The following SPAG16 variants were observed in gnomAD, a reference collection of about 807,000 sequenced individuals.
SPAG16 encodes sperm associated antigen 16.
Under a neutral mutation model 80.4 loss-of-function variants are expected in SPAG16, and 86 were observed. That is an observed-to-expected ratio of 1.07 (90% confidence interval 0.90 to 1.28). SPAG16 has a LOEUF of 1.28. SPAG16 is among the 50% of genes most tolerant of loss of function. SPAG16 has a pLI of 0.00. For missense variants in SPAG16, 870 were observed against 765.3 expected (o/e 1.14, Z -1.61); for synonymous variants, 294 against 265.9 (o/e 1.11, Z -1.03).
At chr2:213,988,395 A>G (rs1448391416) in intron 12 of SPAG16, among the ~76,000 whole-genome samples, 2 of 152,170 alleles carry the variant, frequency 1.3e-5, no homozygotes, top group African/African-American at 4.8e-5. Context: ...AATCTTACAG[A>G]GTATGTTTCC....
intron 11 of SPAG16, among the ~76,000 whole-genome samples, chr2:213,897,332 A>G (rs2106108783): frequency 6.6e-6 from 1 of 152,260 alleles, no homozygotes; most frequent in African/African-American, 2.4e-5. Context: ...TTCAACCTTC[A>G]ATAAGTATAT....
chr2:213,525,676 A>G (rs139632933), intron 10 of SPAG16, among the ~76,000 whole-genome samples: 1 of 152,216 alleles, frequency 6.6e-6, no homozygotes, highest in African/African-American at 2.4e-5. Context: ...TAAATCTGAT[A>G]ATGTTACAAT....
At chr2:214,328,315 C>T (rs781741676) in intron 15 of SPAG16, among the ~76,000 whole-genome samples, 2 of 152,142 alleles carry the variant, frequency 1.3e-5, no homozygotes, top group Non-Finnish European at 2.9e-5. Flanking sequence ...GCCACCATGC[C>T]CAGCTAATCT....
intron 10 of SPAG16, among the ~76,000 whole-genome samples, chr2:213,543,110 A>G (rs917363631): frequency 6.6e-6 from 1 of 152,074 alleles, no homozygotes; most frequent in African/African-American, 2.4e-5. Context: ...TTTATGGTCA[A>G]TAAACACACT....
chr2:213,553,499 A>G (rs2125954097), intron 10 of SPAG16, among the ~76,000 whole-genome samples: 1 of 152,202 alleles, frequency 6.6e-6, no homozygotes, highest in East Asian at 1.9e-4. Context: ...AATAGCCTCA[A>G]CCACTTTAAC....
intron 10 of SPAG16, among the ~76,000 whole-genome samples, chr2:213,592,276 C>G (rs915436836): frequency 6.6e-6 from 1 of 152,062 alleles, no homozygotes; most frequent in Non-Finnish European, 1.5e-5. Flanking sequence ...GTAGATCTAC[C>G]TGCTTTACTC....
chr2:213,816,772 T>C (rs1259853485), intron 10 of SPAG16, among the ~76,000 whole-genome samples: 2 of 152,116 alleles, frequency 1.3e-5, no homozygotes, highest in African/African-American at 4.8e-5. Flanking sequence ...GCTATGTTCA[T>C]GGATTAAAAA....
At position 213,656,200 on chromosome 2, in the gene SPAG16, C is replaced by CT. The variant is rs536148572; in HGVS notation, c.1070+166117dup. On this transcript the variant is annotated intron_variant, in intron 10 of 15. Coordinates refer to ENST00000331683, the MANE Select transcript of SPAG16 (RefSeq NM_024532.5). ...AAGTATTAATTGTTTTGATGTGTGC[C>CT]TTTTTTTGTTTTTGGGACGGAGTCT... 1.3e-4 allele frequency among the ~76,000 whole-genome samples: 20 copies of CT among 152,244 alleles called. 1 individual carries two copies. In the South Asian group the frequency reaches 4.2e-3, roughly 32 times the overall value.
At chr2:213,350,222 A>G (rs1019530949) in intron 6 of SPAG16, among the ~76,000 whole-genome samples, 2 of 152,164 alleles carry the variant, frequency 1.3e-5, no homozygotes, top group African/African-American at 2.4e-5. Flanking sequence ...AAGGAATTGC[A>G]TTTTAAAAAA....
intron 12 of SPAG16, among the ~76,000 whole-genome samples, chr2:213,995,688 G>C (rs1251422349): frequency 6.6e-6 from 1 of 152,124 alleles, no homozygotes; most frequent in Non-Finnish European, 1.5e-5. Flanking sequence ...CTTCCTAGTT[G>C]TTGGTCATCT....
At chr2:214,387,429 A>G (rs1700823285) in intron 15 of SPAG16, among the ~76,000 whole-genome samples, 1 of 152,220 alleles carries the variant, frequency 6.6e-6, no homozygotes, top group Admixed American at 6.5e-5. Context: ...TGACCAAATA[A>G]GATAATTTTA....
intron 10 of SPAG16, among the ~76,000 whole-genome samples, chr2:213,558,025 A>AT (rs1394477581): frequency 1.3e-5 from 2 of 152,106 alleles, no homozygotes; most frequent in African/African-American, 4.8e-5. Flanking sequence ...CATGTAAGCA[A>AT]TTTTTTTAAA....
chr2:213,860,707 G>T (rs576539832), intron 10 of SPAG16, among the ~76,000 whole-genome samples: 59 of 151,994 alleles, frequency 3.9e-4, no homozygotes, highest in African/African-American at 1.4e-3. Context: ...TTATATTTTT[G>T]CCTTAACTTC....
At chr2:213,673,421 T>G (rs1416886111) in intron 10 of SPAG16, among the ~76,000 whole-genome samples, 2 of 152,190 alleles carry the variant, frequency 1.3e-5, no homozygotes, top group Non-Finnish European at 2.9e-5. Flanking sequence ...ATGCAGTTAT[T>G]GGGTCCAGAT....
At chr2:213,539,820 G>A (rs550670065) in intron 10 of SPAG16, among the ~76,000 whole-genome samples, 27 of 151,932 alleles carry the variant, frequency 1.8e-4, no homozygotes, top group Non-Finnish European at 3.5e-4. Flanking sequence ...AAATAAAAAC[G>A]TTGTAATTTT....
intron 9 of SPAG16, among the ~76,000 whole-genome samples, chr2:213,433,068 A>T (rs943798243): frequency 1.3e-5 from 2 of 152,196 alleles, no homozygotes; most frequent in African/African-American, 4.8e-5. Context: ...TTCGCTATAA[A>T]CACCCTCACA....
intron 12 of SPAG16, 34 bp downstream of exon 12, chr2:213,930,179 T>C: frequency 6.5e-7 from 1 of 1,533,988 alleles, no homozygotes; most frequent in Non-Finnish European, 8.9e-7. Flanking sequence ...TAATCCTCTG[T>C]GCTGATACAT....
intron 11 of SPAG16, among the ~76,000 whole-genome samples, chr2:213,898,696 C>G (rs569714290): frequency 1.3e-5 from 2 of 152,222 alleles, no homozygotes; most frequent in African/African-American, 2.4e-5. Context: ...ATTTACACAG[C>G]TGGATTTTAA....
At chr2:214,059,099 C>T (rs888856742) in intron 13 of SPAG16, among the ~76,000 whole-genome samples, 2 of 150,794 alleles carry the variant, frequency 1.3e-5, no homozygotes, top group Non-Finnish European at 2.9e-5. Flanking sequence ...ATCTCTTGAA[C>T]CCAGGAGGCA....
Sources: allele counts gnomAD v4.1 joint callset (sites outside exome capture counted in the v4.1 genomes callset), GRCh38; gene constraint gnomAD v4.1.1; transcripts MANE v1.5; gene names NCBI Gene and HGNC (gene_info 2026-07-23, HGNC 2026-07-21).